C16orf74: variants seen among roughly 807,000 people sequenced by gnomAD.
The protein encoded by C16orf74 is calcimembrin.
A neutral mutation model predicts 6.5 loss-of-function variants in C16orf74; 10 were observed. That is an observed-to-expected ratio of 1.54 (90% CI 0.95 to 2.61). The LOEUF (loss-of-function observed/expected upper bound fraction) is 2.61. Ranked by LOEUF, C16orf74 falls within the 30% of genes most tolerant of loss-of-function variation. The probability of loss-of-function intolerance (pLI) is 0.00; values close to 1 mark genes in which losing one functional copy is unlikely to be tolerated. For missense variants in C16orf74, 141 were observed against 105.9 expected, an observed-to-expected ratio of 1.33 and a Z score of -1.45; for synonymous variants, 60 against 42.5, an observed-to-expected ratio of 1.41 and a Z score of -1.60.
intron 2 of C16orf74, among the ~76,000 whole-genome samples, chr16:85,716,954 G>A (rs771018015): frequency 6.6e-6 from 1 of 152,196 alleles, no homozygotes; most frequent in African/African-American, 2.4e-5. Context: ...CCTATTTCCT[G>A]AGCCTGGGAT....
intron 2 of C16orf74, among the ~76,000 whole-genome samples, chr16:85,723,259 C>CA (rs5818553): frequency 0.034 from 2,054 of 59,774 alleles, 123 homozygotes; most frequent in African/African-American, 0.099. Context: ...GACTCCATCT[C>CA]AAAAAAAAAA....
chr16:85,708,361 G>T (rs978878315), intron 3 of C16orf74, among the ~76,000 whole-genome samples: 2 of 152,186 alleles, frequency 1.3e-5, no homozygotes, highest in Non-Finnish European at 2.9e-5. Flanking sequence ...AGCAGGGAAG[G>T]TGGTATGATC....
At chr16:85,724,933 G>A (rs932605327) in intron 2 of C16orf74, among the ~76,000 whole-genome samples, 15 of 152,220 alleles carry the variant, frequency 9.9e-5, no homozygotes, top group Admixed American at 7.8e-4. Flanking sequence ...AACACAGAGT[G>A]CTGGGGTGTA....
chr16:85,714,481 G>T (rs532927453), intron 2 of C16orf74, among the ~76,000 whole-genome samples: 25 of 151,846 alleles, frequency 1.6e-4, no homozygotes, highest in Admixed American at 6.6e-4. Context: ...ATGCAGTAGC[G>T]TGATCTCGAC....
At chr16:85,727,855 C>G (rs185399473) in intron 2 of C16orf74, among the ~76,000 whole-genome samples, 8 of 149,888 alleles carry the variant, frequency 5.3e-5, no homozygotes, top group African/African-American at 2.0e-4. Context: ...AAGAATGGAT[C>G]TGGCCGGGTG....
chr16:85,735,289 GC>G, intron 1 of C16orf74, 54 bp from the exon 2 acceptor site: 1 of 1,355,888 alleles, frequency 7.4e-7, no homozygotes, highest in Non-Finnish European at 1.0e-6. Flanking sequence ...GTTTGTATTG[GC>G]CACGTGCAGC....
At chr16:85,745,940 C>T (rs2054368914) in intron 1 of C16orf74, among the ~76,000 whole-genome samples, 1 of 152,220 alleles carries the variant, frequency 6.6e-6, no homozygotes, top group South Asian at 2.1e-4. Context: ...TGGAGAGGCT[C>T]ATAGAAATCT....
chr16:85,746,679 T>C (rs946443379), intron 1 of C16orf74, among the ~76,000 whole-genome samples: 4 of 152,094 alleles, frequency 2.6e-5, no homozygotes, highest in Non-Finnish European at 5.9e-5. Flanking sequence ...GTTTGCCAGG[T>C]GAGTGGGCTC....
At chr16:85,740,527 C>A (rs576134762) in intron 1 of C16orf74, among the ~76,000 whole-genome samples, 2 of 152,016 alleles carry the variant, frequency 1.3e-5, no homozygotes, top group East Asian at 3.9e-4. Context: ...ACGGTGAAAC[C>A]CCGTCTCTAC....
intron 2 of C16orf74, chr16:85,710,551 A>G: frequency 2.1e-6 from 1 of 475,152 alleles, no homozygotes; most frequent in Non-Finnish European, 3.7e-6. Context: ...AATGCTGATC[A>G]TAGGCTAGTT....
intron 2 of C16orf74, among the ~76,000 whole-genome samples, chr16:85,719,357 G>C (rs976767886): frequency 2.0e-5 from 3 of 152,158 alleles, no homozygotes; most frequent in African/African-American, 7.2e-5. Flanking sequence ...GGGTCAACTG[G>C]AGAAAAAGCA....
intron 2 of C16orf74, among the ~76,000 whole-genome samples, chr16:85,725,534 C>T (rs1432683501): frequency 6.6e-6 from 1 of 152,164 alleles, no homozygotes; most frequent in Non-Finnish European, 1.5e-5. Context: ...CCAGAAGATT[C>T]TGATGTGGGT....
chr16:85,733,434 A>T (rs2054211747), intron 2 of C16orf74, among the ~76,000 whole-genome samples: 2 of 152,180 alleles, frequency 1.3e-5, no homozygotes, highest in South Asian at 4.1e-4. Context: ...ACAGAGTTTC[A>T]GTTGGAGATG....
At chr16:85,710,450 C>T (rs1238811528) in intron 2 of C16orf74, 143 bp from the exon 3 acceptor site, 4 of 672,244 alleles carry the variant, frequency 6.0e-6, no homozygotes, top group South Asian at 2.4e-5. Flanking sequence ...CAGCTGTCCC[C>T]GCATCACAGA....
At chr16:85,750,782 T>A (rs2054428993) in intron 1 of C16orf74, 144 bp downstream of exon 1, 1 of 151,998 alleles carries the variant, frequency 6.6e-6, no homozygotes, top group Admixed American at 6.5e-5. Flanking sequence ...CGGGCCCGCG[T>A]GGGTCTCCCA....
intron 1 of C16orf74, among the ~76,000 whole-genome samples, chr16:85,749,640 G>C (rs369534852): frequency 1.3e-5 from 2 of 152,346 alleles, no homozygotes; most frequent in South Asian, 4.1e-4. Context: ...TTGGTCAGGG[G>C]ATTAAAACAG....
chr16:85,723,184 C>T (rs572781477), intron 2 of C16orf74, among the ~76,000 whole-genome samples: 3 of 150,056 alleles, frequency 2.0e-5, no homozygotes, highest in African/African-American at 7.4e-5. Context: ...CACTTGAACC[C>T]AGGAGGTGGA....
intron 2 of C16orf74, among the ~76,000 whole-genome samples, chr16:85,732,597 C>T (rs188779395): frequency 7.4e-5 from 9 of 121,320 alleles, no homozygotes; most frequent in South Asian, 2.8e-4. Flanking sequence ...ACCCGGGAGG[C>T]GGGGGTTGCA....
chr16:85,713,634 T>C (rs2053991210), intron 2 of C16orf74, among the ~76,000 whole-genome samples: 1 of 152,232 alleles, frequency 6.6e-6, no homozygotes, highest in African/African-American at 2.4e-5. Flanking sequence ...ACTACTAAAA[T>C]GACCTCATCT....
Sources: gnomAD v4.1 joint callset for allele counts (sites outside exome capture counted in the v4.1 genomes callset) on GRCh38, gnomAD v4.1.1 for gene constraint, MANE v1.5 for transcripts, NCBI Gene and HGNC (gene_info 2026-07-23, HGNC 2026-07-21) for gene names.